Variants in USP3 observed in about 807,000 individuals in gnomAD.
The protein encoded by USP3 is ubiquitin specific peptidase 3.
A neutral mutation model predicts 72.3 loss-of-function variants in USP3; 20 were observed. The ratio of observed to expected loss-of-function variants is 0.28; its 90% confidence interval spans 0.19 to 0.40. USP3 has a LOEUF of 0.40. Among genes scored for constraint, USP3 ranks in the 10% least tolerant of loss-of-function variants. The pLI, the probability that USP3 is intolerant of heterozygous loss-of-function variation, is 1.00. For synonymous variants in USP3, 222 were observed against 225.3 expected, an observed-to-expected ratio of 0.99 and a Z score of 0.13; for missense variants, 479 against 633.9, an observed-to-expected ratio of 0.76 and a Z score of 2.62.
In USP3 at chr15:63,588,174, T is replaced by G; in HGVS notation, c.1097-131T>G. ...TTATTTTTTGTCTCCAGTTTGCAAT[T>G]GAGAAAGGTTAACTTTTCTAAGGTC... On this transcript the variant is annotated intron_variant, in intron 11 of 14. Coordinates refer to ENST00000380324, the MANE Select transcript of USP3 (RefSeq NM_006537.4). This position sits in a 1 kb window ranked among gnomAD's most constrained non-coding sequence, Gnocchi z 4.6. The G allele has an allele frequency of 1.6e-6, 1 of 626,792 alleles. No individual in the cohort carries two copies. The highest frequency in any genetic ancestry group is 2.7e-6 in the Non-Finnish European group (1 of 374,786). The allele number at this position is 626,792 out of a possible 1,614,324, so 38.8% of individuals were successfully genotyped here. A position where few individuals can be genotyped will look rare whatever the true frequency, so the allele number is the denominator to read the frequency against.
At chr15:63,535,561 T>G (rs562501082) in intron 2 of USP3, among the ~76,000 whole-genome samples, 1 of 152,346 alleles carries the variant, frequency 6.6e-6, no homozygotes, top group African/African-American at 2.4e-5. Context: ...CAGTCTAGTT[T>G]TTGAGCTTAT....
At chr15:63,572,143 A>G (rs1327252117) in intron 9 of USP3, among the ~76,000 whole-genome samples, 2 of 152,024 alleles carry the variant, frequency 1.3e-5, no homozygotes, top group Non-Finnish European at 2.9e-5. Flanking sequence ...GTTATAATAA[A>G]TGAAACTCAT....
intron 11 of USP3, among the ~76,000 whole-genome samples, chr15:63,583,120 G>GA (rs201468100): frequency 6.6e-6 from 1 of 152,124 alleles, no homozygotes; most frequent in South Asian, 2.1e-4. Context: ...ATAGGGGGGG[G>GA]AAAAAGGCTT....
intron 9 of USP3, 137 bp from the exon 10 acceptor site, chr15:63,573,909 T>A (rs1047637503): frequency 1.7e-5 from 8 of 467,168 alleles, no homozygotes; most frequent in Non-Finnish European, 2.8e-5. Flanking sequence ...TATTATTTTT[T>A]AACTTAGAAA....
intron 6 of USP3, among the ~76,000 whole-genome samples, chr15:63,559,108 C>T (rs2066561594): frequency 1.3e-5 from 2 of 151,996 alleles, no homozygotes; most frequent in African/African-American, 2.4e-5. Context: ...TTGGTGATGA[C>T]CTCGATCAGT....
chr15:63,573,245 A>C (rs576388619), intron 9 of USP3, among the ~76,000 whole-genome samples: 30 of 152,310 alleles, frequency 2.0e-4, no homozygotes, highest in African/African-American at 7.2e-4. Flanking sequence ...TATTTTTGGT[A>C]AGTGCTCTTC....
At chr15:63,505,003 GC>G (rs2065689968) in intron 1 of USP3, among the ~76,000 whole-genome samples, 173 bp downstream of exon 1, 1 of 150,472 alleles carries the variant, frequency 6.6e-6, no homozygotes, top group African/African-American at 2.4e-5. Context: ...GGGAGCGGCG[GC>G]GGCTCCTTTG....
At chr15:63,551,736 G>C (rs1469183864) in intron 3 of USP3, 2 of 152,186 alleles carry the variant, frequency 1.3e-5, no homozygotes, top group African/African-American at 4.8e-5. Context: ...CAGTTATTAA[G>C]AATTTATATT....
intron 3 of USP3, among the ~76,000 whole-genome samples, chr15:63,542,930 A>G (rs2066266298): frequency 6.6e-6 from 1 of 152,222 alleles, no homozygotes; most frequent in South Asian, 2.1e-4. Context: ...CTTTGAAATG[A>G]TACAATAGAA....
At chr15:63,585,816 T>TG (rs1555397593) in intron 11 of USP3, among the ~76,000 whole-genome samples, 1 of 151,492 alleles carries the variant, frequency 6.6e-6, no homozygotes, top group Non-Finnish European at 1.5e-5. Flanking sequence ...TTTTTTTTTT[T>TG]GGCATGTGAA....
chr15:63,532,827 C>G (rs901214360), intron 2 of USP3, 120 bp downstream of exon 2: 59 of 1,024,056 alleles, frequency 5.8e-5, no homozygotes, highest in Non-Finnish European at 4.8e-5. Context: ...TGCATAATTC[C>G]CTGTAGGGCT....
At chr15:63,517,845 T>C (rs1227443733) in intron 1 of USP3, among the ~76,000 whole-genome samples, 3 of 152,200 alleles carry the variant, frequency 2.0e-5, no homozygotes, top group Non-Finnish European at 1.5e-5. Flanking sequence ...AGGCCATAGC[T>C]TCCTCTGCAC....
At chr15:63,512,257 A>C (rs2065793484) in intron 1 of USP3, among the ~76,000 whole-genome samples, 2 of 151,624 alleles carry the variant, frequency 1.3e-5, no homozygotes, top group Admixed American at 1.3e-4. Context: ...ATCTTAAAAC[A>C]GATTTCCCCT....
rs137910927 is a variant in USP3 at position 63,533,388 on chromosome 15, C to A, written c.152+681C>A. 9.5e-4 allele frequency among the ~76,000 whole-genome samples: 145 copies of A among 152,192 alleles called. 1 individual carries two copies. The highest frequency in any genetic ancestry group is 3.4e-3 in the African/African-American group (142 of 41,532). On this transcript the variant is annotated intron_variant, in intron 2 of 14. Coordinates refer to ENST00000380324, the MANE Select transcript of USP3 (RefSeq NM_006537.4). ...CAGTTTAAACCTGAGCATTTCTTCCCAGTTCTTGGCCTCAAAATAATATTA... is the reference window on the plus strand; with the variant it reads ...CAGTTTAAACCTGAGCATTTCTTCCAAGTTCTTGGCCTCAAAATAATATTA...
intron 3 of USP3, among the ~76,000 whole-genome samples, chr15:63,545,665 G>A (rs1261597681): frequency 2.6e-5 from 4 of 151,644 alleles, no homozygotes; most frequent in Middle Eastern, 3.2e-3. Flanking sequence ...CAAAAAGTCC[G>A]TCAGAAGTAG....
intron 9 of USP3, among the ~76,000 whole-genome samples, chr15:63,573,076 C>T (rs1035099894): frequency 3.9e-5 from 6 of 152,168 alleles, no homozygotes; most frequent in African/African-American, 1.2e-4. Context: ...CTCAGTAGTT[C>T]TTGCTTCCAT....
chr15:63,588,240 T>C lies in USP3; in HGVS notation c.1097-65T>C. On this transcript the variant is annotated intron_variant, in intron 11 of 14. Coordinates refer to ENST00000380324, the MANE Select transcript of USP3 (RefSeq NM_006537.4). The surrounding 1 kb of genome is among the most constrained non-coding windows in gnomAD (Gnocchi z 4.6). ...CTGAGATTTTAAACCTGGGTCTTTT[T>C]TCTACAGTACATTGCCTCTACAAAA... is the stretch of plus-strand genomic sequence containing the variant. 1 of 1,272,754 alleles carries C rather than the reference T, an allele frequency of 7.9e-7. No individual in the cohort carries two copies. The highest frequency in any genetic ancestry group is 1.1e-6 in the Non-Finnish European group (1 of 921,176). 78.8% of individuals were successfully genotyped at this position (1,272,754 alleles called of 1,614,324 possible).
chr15:63,545,800 A>T (rs1032212740), intron 3 of USP3, among the ~76,000 whole-genome samples: 1 of 151,772 alleles, frequency 6.6e-6, no homozygotes, highest in African/African-American at 2.4e-5. Flanking sequence ...GCGAAAACCC[A>T]TCTCTACTAA....
At chr15:63,576,434 A>T (rs1458611044) in intron 11 of USP3, among the ~76,000 whole-genome samples, 1 of 151,996 alleles carries the variant, frequency 6.6e-6, no homozygotes, top group Non-Finnish European at 1.5e-5. Context: ...TTGGTTCTAT[A>T]TGTAGTTCTT....
Sources: gnomAD v4.1 joint callset for allele counts (sites outside exome capture counted in the v4.1 genomes callset) on GRCh38, gnomAD v4.1.1 for gene constraint, Gnocchi (gnomAD v3.1) non-coding constraint, MANE v1.5 for transcripts, NCBI Gene and HGNC (gene_info 2026-07-23, HGNC 2026-07-21) for gene names.